IRAG2: variants seen among roughly 807,000 people sequenced by gnomAD.
The protein encoded by IRAG2 is lymphoid restricted membrane protein.
Under a neutral mutation model 69.9 loss-of-function variants are expected in IRAG2, and 45 were observed. The ratio of observed to expected loss-of-function variants is 0.64; its 90% confidence interval spans 0.51 to 0.83. The LOEUF (loss-of-function observed/expected upper bound fraction) is 0.83, where lower values mean the gene tolerates loss of function less well. IRAG2 is among the 40% of genes least tolerant of loss of function. The pLI, the probability that IRAG2 is intolerant of heterozygous loss-of-function variation, is 0.00. For synonymous variants in IRAG2, 193 were observed against 202.4 expected, an observed-to-expected ratio of 0.95 and a Z score of 0.40; for missense variants, 520 against 587.0, an observed-to-expected ratio of 0.89 and a Z score of 1.18.
chr12:25,009,255 A>G (rs996427684), intron 2 of IRAG2, among the ~76,000 whole-genome samples: 2 of 152,224 alleles, frequency 1.3e-5, no homozygotes, highest in Non-Finnish European at 2.9e-5. Context: ...GCAATGAGCT[A>G]TGATCATGCC....
intron 6 of IRAG2, among the ~76,000 whole-genome samples, chr12:25,019,770 G>A (rs1352785916): frequency 6.6e-6 from 1 of 152,156 alleles, no homozygotes; most frequent in African/African-American, 2.4e-5. Context: ...TCTACCTAGT[G>A]TTTCCCTGCC....
At chr12:25,057,055 T>G (rs571620366) in intron 1 of IRAG2, among the ~76,000 whole-genome samples, 2 of 152,150 alleles carry the variant, frequency 1.3e-5, no homozygotes, top group South Asian at 4.1e-4. Context: ...CCACCACTGT[T>G]CTAGTGAAAG....
chr12:25,031,407 G>A (rs1944666434), intron 10 of IRAG2, among the ~76,000 whole-genome samples: 3 of 152,146 alleles, frequency 2.0e-5, no homozygotes, highest in Non-Finnish European at 4.4e-5. Context: ...CTCACTACCT[G>A]TACCTTTTGG....
At chr12:25,063,277 G>A (rs1398821233) in intron 3 of IRAG2, among the ~76,000 whole-genome samples, 2 of 152,168 alleles carry the variant, frequency 1.3e-5, no homozygotes, top group Admixed American at 1.3e-4. Flanking sequence ...TGGCCAGGCT[G>A]GTGACCTGAA....
At chr12:25,086,409 A>C (rs1011789808) in intron 10 of IRAG2, among the ~76,000 whole-genome samples, 3 of 152,248 alleles carry the variant, frequency 2.0e-5, no homozygotes, top group African/African-American at 7.2e-5. Context: ...GAGACAAGTC[A>C]AATTTCAGGC....
upstream of IRAG2, among the ~76,000 whole-genome samples, chr12:25,047,524 G>T (rs1464303661): frequency 2.0e-5 from 3 of 152,132 alleles, no homozygotes; most frequent in African/African-American, 7.2e-5. Flanking sequence ...ATAGGTAAAT[G>T]TGTGCCATAG....
At chr12:25,035,937 A>C in intron 14 of IRAG2, 1 of 396,392 alleles carries the variant, frequency 2.5e-6, no homozygotes, top group East Asian at 3.6e-5. Flanking sequence ...GGTTTTTCTC[A>C]AACCTTTCTG....
rs529624311 is a variant in IRAG2 at position 25,036,993 on chromosome 12, C to G, written c.1980+307C>G. 1.7e-3 allele frequency among the ~76,000 whole-genome samples: 256 copies of G among 152,196 alleles called. 1 individual carries two copies. Among genetic ancestry groups the G allele is most frequent in the Non-Finnish European group, 2.7e-3 (183 of 68,010 alleles). On this transcript the variant is annotated intron_variant, in intron 15 of 38. Transcript: ENST00000636465. ...AGTCTAAATTAAGATTTTTCCTTAG[C>G]CTATTAAAATTGCCTAACTTTGAAA...
At chr12:25,068,352 G>T (rs749769759) in intron 5 of IRAG2, among the ~76,000 whole-genome samples, 9 of 152,216 alleles carry the variant, frequency 5.9e-5, no homozygotes, top group Non-Finnish European at 1.3e-4. Flanking sequence ...TCGAGCACAG[G>T]AGGGTCTGTC....
intron 16 of IRAG2, among the ~76,000 whole-genome samples, chr12:25,038,572 G>A (rs1024428559): frequency 6.6e-6 from 1 of 150,710 alleles, no homozygotes; most frequent in African/African-American, 2.5e-5. Context: ...AACCCGGGAG[G>A]CAGAGATTCA....
At chr12:25,028,398 T>A (rs11047773) in intron 9 of IRAG2, among the ~76,000 whole-genome samples, 49,041 of 151,766 alleles carry the variant, frequency 0.32, 8,545 homozygotes, top group Admixed American at 0.47. Flanking sequence ...TGATTTTATT[T>A]ATTTCTAAAT....
chr12:25,017,892 C>G (rs1371431981), intron 6 of IRAG2, among the ~76,000 whole-genome samples: 1 of 152,178 alleles, frequency 6.6e-6, no homozygotes, highest in Non-Finnish European at 1.5e-5. Context: ...TACTTTCTGT[C>G]TCTGTAGATT....
At chr12:25,007,411 C>G (rs1285362821) in intron 2 of IRAG2, among the ~76,000 whole-genome samples, 1 of 152,076 alleles carries the variant, frequency 6.6e-6, no homozygotes, top group Non-Finnish European at 1.5e-5. Context: ...AACAGTTTTA[C>G]TGTTCAAGCC....
At chr12:25,067,314 G>A (rs987190753) in intron 5 of IRAG2, among the ~76,000 whole-genome samples, 1 of 152,122 alleles carries the variant, frequency 6.6e-6, no homozygotes, top group Non-Finnish European at 1.5e-5. Context: ...TACCAGATGT[G>A]TGGGGGTTTT....
chr12:25,030,914 C>T (rs1471650097), intron 10 of IRAG2: 1 of 525,778 alleles, frequency 1.9e-6, no homozygotes, highest in African/African-American at 2.1e-5. Context: ...AGAATATATA[C>T]CCAAATTATT....
Position 25,082,576 on chromosome 12 carries a change from G to A in IRAG2, c.245-847G>A, listed in dbSNP as rs529480231. On this transcript the variant is annotated intron_variant, in intron 9 of 21. Coordinates refer to ENST00000556887, the MANE Select transcript of IRAG2 (RefSeq NM_001366544.2). ...GACTGCGCCACTGCCCTCCAGCCTGGGTGGCAGAGTGAGACCCTGTCTCAA... is the reference window on the plus strand; with the variant it reads ...GACTGCGCCACTGCCCTCCAGCCTGAGTGGCAGAGTGAGACCCTGTCTCAA... Among the ~76,000 whole-genome samples, 6 of 151,206 alleles carry A rather than the reference G, an allele frequency of 4.0e-5. No homozygotes were observed. In the South Asian group the frequency reaches 1.3e-3, roughly 32 times the overall value.
At position 25,068,323 on chromosome 12, in the gene IRAG2, G is replaced by A. The variant is rs77705599; in HGVS notation, c.-58-1027G>A. Among the ~76,000 whole-genome samples, 64 of 152,246 alleles carry A rather than the reference G, an allele frequency of 4.2e-4. No individual in the cohort carries two copies. The East Asian group carries it at 4.3e-3, about 10-fold the overall frequency. Reference sequence around the variant, plus strand: ...GAACAGCCAGATGAAGAGATACATCGGAAAGGTTTGGAAATGTCTCGAGCA... The same window carrying A: ...GAACAGCCAGATGAAGAGATACATCAGAAAGGTTTGGAAATGTCTCGAGCA... On this transcript the variant is annotated intron_variant, in intron 5 of 21. Coordinates refer to ENST00000556887, the MANE Select transcript of IRAG2 (RefSeq NM_001366544.2).
intron 6 of IRAG2, among the ~76,000 whole-genome samples, chr12:25,071,172 T>C (rs1946313057): frequency 6.6e-6 from 1 of 152,018 alleles, no homozygotes; most frequent in Admixed American, 6.6e-5. Flanking sequence ...CTGGCCAATA[T>C]GGTGAAACCC....
intron 17 of IRAG2, 94 bp from the exon 18 acceptor site, chr12:25,103,743 C>G (rs1948880723): frequency 2.3e-6 from 2 of 877,946 alleles, no homozygotes; most frequent in South Asian, 3.0e-5. Context: ...TGGTCAAGTA[C>G]ACGGATATGC....
Sources: gnomAD v4.1 joint callset for allele counts (sites outside exome capture counted in the v4.1 genomes callset) on GRCh38, gnomAD v4.1.1 for gene constraint, MANE v1.5 for transcripts, NCBI Gene and HGNC (gene_info 2026-07-23, HGNC 2026-07-21) for gene names.